Variants in AGAP1 observed in about 807,000 individuals in gnomAD.
The protein encoded by AGAP1 is ArfGAP with GTPase domain, ankyrin repeat and PH domain 1.
In AGAP1, 29 loss-of-function variants were observed where a neutral mutation model predicts 105.3. That is an observed-to-expected ratio of 0.28 (90% CI 0.21 to 0.38). AGAP1 has a LOEUF of 0.38. Ranked by LOEUF, AGAP1 falls within the 10% of genes least tolerant of loss-of-function variation. The probability of loss-of-function intolerance (pLI) is 1.00; values close to 1 mark genes in which losing one functional copy is unlikely to be tolerated. For synonymous variants in AGAP1, 509 were observed against 485.9 expected (o/e 1.05, Z -0.63); for missense variants, 998 against 1,165.1 (o/e 0.86, Z 2.09).
intron 6 of AGAP1, among the ~76,000 whole-genome samples, chr2:235,755,568 G>T (rs977941668): frequency 4.6e-5 from 7 of 152,276 alleles, no homozygotes; most frequent in Admixed American, 4.6e-4. Context: ...TGCCTCCTGA[G>T]TAGCTGGGAT....
intron 11 of AGAP1, among the ~76,000 whole-genome samples, chr2:235,914,159 A>G (rs1171806711): frequency 1.3e-5 from 2 of 152,174 alleles, no homozygotes; most frequent in African/African-American, 4.8e-5. Flanking sequence ...GTTAGTTGGA[A>G]TAGCTACTGG....
At chr2:235,528,190 A>G (rs1396643198) in intron 1 of AGAP1, among the ~76,000 whole-genome samples, 2 of 152,112 alleles carry the variant, frequency 1.3e-5, no homozygotes, top group African/African-American at 4.8e-5. Flanking sequence ...TCTAAGGAGA[A>G]TAGACCTCCT....
intron 4 of AGAP1, among the ~76,000 whole-genome samples, chr2:235,743,647 A>C (rs2149674736): frequency 6.6e-6 from 1 of 152,326 alleles, no homozygotes; most frequent in East Asian, 1.9e-4. Flanking sequence ...AACTGAATGC[A>C]CTTTTCACTT....
At chr2:235,903,824 G>A (rs2051173406) in intron 10 of AGAP1, among the ~76,000 whole-genome samples, 2 of 152,106 alleles carry the variant, frequency 1.3e-5, no homozygotes, top group South Asian at 4.2e-4. Flanking sequence ...TTACTCATTT[G>A]GTAACCTCCC....
chr2:235,661,190 C>T (rs935058090), intron 1 of AGAP1, among the ~76,000 whole-genome samples: 1 of 151,986 alleles, frequency 6.6e-6, no homozygotes, highest in South Asian at 2.1e-4. Context: ...GTGGACTCTT[C>T]GGGTAGTTCA....
chr2:235,995,758 C>G (rs912809809), intron 13 of AGAP1, among the ~76,000 whole-genome samples: 4 of 152,184 alleles, frequency 2.6e-5, no homozygotes, highest in Non-Finnish European at 5.9e-5. Flanking sequence ...GAGCCATACT[C>G]TAGATGCATC....
chr2:236,120,848 G>T lies in AGAP1; in HGVS notation c.2370+401G>T, dbSNP rs1020491574. On this transcript the variant is annotated intron_variant, in intron 17 of 17. Transcript: ENST00000304032. This position sits in a 1 kb window ranked among gnomAD's most constrained non-coding sequence, Gnocchi z 6.0. ...ACCCTAAACTTTGAGGTCTGATGTGGCAGGAGTTTGTCAAAGGACTTCTTT... is the reference window on the plus strand; with the variant it reads ...ACCCTAAACTTTGAGGTCTGATGTGTCAGGAGTTTGTCAAAGGACTTCTTT... 1.1e-4 allele frequency among the ~76,000 whole-genome samples: 16 copies of T among 152,222 alleles called. No homozygotes were observed. The highest frequency in any genetic ancestry group is 1.2e-4 in the Non-Finnish European group (8 of 68,044).
rs184665356 is a variant in AGAP1, at chr2:235,971,283, C to G, written c.1645+2660C>G. Reference sequence around the variant, plus strand: ...TCATTTTTTCAAAGCCACATTTTCCCCCCAAATTGTAACATATCTGAAGTC... The same window carrying G: ...TCATTTTTTCAAAGCCACATTTTCCGCCCAAATTGTAACATATCTGAAGTC... On this transcript the variant is annotated intron_variant, in intron 13 of 17. Transcript: ENST00000304032. The surrounding 1 kb of genome is among the most constrained non-coding windows in gnomAD (Gnocchi z 4.8). Among the ~76,000 whole-genome samples, 1 of 152,274 alleles carries G rather than the reference C, an allele frequency of 6.6e-6. No homozygotes were observed. The highest frequency in any genetic ancestry group is 1.9e-4 in the East Asian group (1 of 5,184).
At chr2:236,081,668 GTTTTT>G (rs35088277) in intron 16 of AGAP1, among the ~76,000 whole-genome samples, 2 of 135,198 alleles carry the variant, frequency 1.5e-5, no homozygotes, top group South Asian at 2.3e-4. Context: ...AGTTCTGTGG[GTTTTT>G]TTTTTTTTTT....
In AGAP1 at chr2:235,724,707, A is replaced by G. The variant is rs1242931452; in HGVS notation, c.310+7063A>G. Among the ~76,000 whole-genome samples the G allele has an allele frequency of 6.6e-6, 1 of 152,212 alleles. No individual in the cohort carries two copies. Among genetic ancestry groups the G allele is most frequent in the Non-Finnish European group, 1.5e-5 (1 of 68,030 alleles). On this transcript the variant is annotated intron_variant, in intron 3 of 17. Coordinates refer to ENST00000304032, the MANE Select transcript of AGAP1 (RefSeq NM_001037131.3). The surrounding 1 kb of genome is among the most constrained non-coding windows in gnomAD (Gnocchi z 4.9). ...GAGAAAATACCAGGTGCTAAGAGTA[A>G]TTATAACTACCAGGTAAGGACCAGT...
In AGAP1 at chr2:235,716,500, G is replaced by A. The variant is rs1475173524; in HGVS notation, c.223-1057G>A. ...GGTCAACAAGTGGAACCGAGAGCAA[G>A]CGGGGTGAGTCCCAGCTCAGGGAAT... On this transcript the variant is annotated intron_variant, in intron 2 of 17. Coordinates refer to ENST00000304032, the MANE Select transcript of AGAP1 (RefSeq NM_001037131.3). This position sits in a 1 kb window ranked among gnomAD's most constrained non-coding sequence, Gnocchi z 4.0. 2.0e-5 allele frequency among the ~76,000 whole-genome samples: 3 copies of A among 152,172 alleles called. No individual in the cohort carries two copies. The highest frequency in any genetic ancestry group is 4.4e-5 in the Non-Finnish European group (3 of 68,034).
intron 9 of AGAP1, among the ~76,000 whole-genome samples, chr2:235,860,760 T>C (rs1443128565): frequency 6.6e-6 from 1 of 152,258 alleles, no homozygotes; most frequent in African/African-American, 2.4e-5. Context: ...CGTTCTTTTT[T>C]GAGTAATCTT....
chr2:235,788,749 G>A lies in AGAP1; in HGVS notation c.674-9010G>A, dbSNP rs982842665. On this transcript the variant is annotated intron_variant, in intron 6 of 17. Coordinates refer to ENST00000304032, the MANE Select transcript of AGAP1 (RefSeq NM_001037131.3). This position sits in a 1 kb window ranked among gnomAD's most constrained non-coding sequence, Gnocchi z 6.0. ...CCCCTTCTTTCCCAAATGGTGGGGA[G>A]AAGTGCTGGCGGAAGCAGAATGGAG... 1.3e-5 allele frequency among the ~76,000 whole-genome samples: 2 copies of A among 152,196 alleles called. No individual in the cohort carries two copies. Among genetic ancestry groups the A allele is most frequent in the Non-Finnish European group, 2.9e-5 (2 of 68,028 alleles).
intron 1 of AGAP1, among the ~76,000 whole-genome samples, chr2:235,516,537 C>T (rs1942395349): frequency 2.6e-5 from 4 of 152,116 alleles, no homozygotes; most frequent in Admixed American, 6.5e-5. Flanking sequence ...AGCTTTACTC[C>T]AAAGGAAACA....
At chr2:236,015,841 G>C (rs2056682655) in intron 13 of AGAP1, among the ~76,000 whole-genome samples, 1 of 151,982 alleles carries the variant, frequency 6.6e-6, no homozygotes, top group Non-Finnish European at 1.5e-5. Context: ...CTGTTTTCTG[G>C]GCTGTTGATT....
In AGAP1 at chr2:235,968,627, A is replaced by G. The variant is rs932310148; in HGVS notation, c.1645+4A>G. The stretch of plus-strand genomic sequence containing the variant: ...GGCCTGTCCGGCACTGCTGAAGGTA[A>G]GGGTTCCGCGGTGCCCCGGGAGAGA... On this transcript the variant is annotated splice_donor_region_variant and intron_variant, in intron 13 of 17. Coordinates refer to ENST00000304032, the MANE Select transcript of AGAP1 (RefSeq NM_001037131.3). 14 of 1,602,874 alleles carry G rather than the reference A, an allele frequency of 8.7e-6. No individual in the cohort carries two copies. The African/African-American group carries it at 1.9e-4, about 22-fold the overall frequency.
Position 235,936,563 on chromosome 2 carries a change from T to G in AGAP1, c.1483+5640T>G, listed in dbSNP as rs926218090. 1.3e-5 allele frequency among the ~76,000 whole-genome samples: 2 copies of G among 152,236 alleles called. No individual in the cohort carries two copies. Among genetic ancestry groups the G allele is most frequent in the African/African-American group, 4.8e-5 (2 of 41,466 alleles). On this transcript the variant is annotated intron_variant, in intron 12 of 17. Transcript: ENST00000304032. This position sits in a 1 kb window ranked among gnomAD's most constrained non-coding sequence, Gnocchi z 4.7. ...GGAGCCAATGCATTTGAACCACACT[T>G]TCCAGCAAGCATGTCCACACCATTC... is the stretch of plus-strand genomic sequence containing the variant.
In AGAP1 at chr2:235,867,574, T is replaced by TGTGTGTGC. The variant is rs1380487646; in HGVS notation, c.1051-15770_1051-15769insTGTGTGCG. ...GTGTGTGTGTGTGTGTGTGTGTGTGTGCAAGTGAGGGAGGGTGACCCCCAC... is the reference window on the plus strand; with the variant it reads ...GTGTGTGTGTGTGTGTGTGTGTGTGTGTGTGTGCGCAAGTGAGGGAGGGTGACCCCCAC... On this transcript the variant is annotated intron_variant, in intron 9 of 17. Coordinates refer to ENST00000304032, the MANE Select transcript of AGAP1 (RefSeq NM_001037131.3). This position sits in a 1 kb window ranked among gnomAD's most constrained non-coding sequence, Gnocchi z 5.4. 3.2e-4 allele frequency among the ~76,000 whole-genome samples: 48 copies of TGTGTGTGC among 147,698 alleles called. No homozygotes were observed. The East Asian group carries it at 6.7e-3, about 21-fold the overall frequency.
chr2:235,826,456 C>CT (rs1428145260), intron 9 of AGAP1, among the ~76,000 whole-genome samples: 1 of 152,016 alleles, frequency 6.6e-6, no homozygotes, highest in Non-Finnish European at 1.5e-5. Context: ...ACCCCCACTC[C>CT]TTTTTTTGAG....
Sources: gnomAD v4.1 joint callset for allele counts (sites outside exome capture counted in the v4.1 genomes callset) on GRCh38, gnomAD v4.1.1 for gene constraint, Gnocchi (gnomAD v3.1) non-coding constraint, MANE v1.5 for transcripts, NCBI Gene and HGNC (gene_info 2026-07-23, HGNC 2026-07-21) for gene names.